Variants in SLC9B1 observed in about 807,000 individuals in gnomAD.
SLC9B1 encodes sodium/hydrogen exchanger 9B1.
In SLC9B1, 32 loss-of-function variants were observed where a neutral mutation model predicts 51.7. That is an observed-to-expected ratio of 0.62 (90% CI 0.47 to 0.83). The LOEUF (loss-of-function observed/expected upper bound fraction) is 0.83, where lower values mean the gene tolerates loss of function less well. Among genes scored for constraint, SLC9B1 ranks in the 40% least tolerant of loss-of-function variants. The pLI is 0.00. For missense variants in SLC9B1, 406 were observed against 613.2 expected, an observed-to-expected ratio of 0.66 and a Z score of 3.57; for synonymous variants, 145 against 212.7, an observed-to-expected ratio of 0.68 and a Z score of 2.77.
At chr4:102,955,127 C>T (rs1737718151) in intron 3 of SLC9B1, among the ~76,000 whole-genome samples, 1 of 152,136 alleles carries the variant, frequency 6.6e-6, no homozygotes, top group South Asian at 2.1e-4. Context: ...AATTGTACTC[C>T]CACAATTCCC....
At chr4:102,980,750 GA>G (rs199705987) in intron 3 of SLC9B1, among the ~76,000 whole-genome samples, 10 of 151,094 alleles carry the variant, frequency 6.6e-5, no homozygotes, top group Admixed American at 3.3e-4. Flanking sequence ...AAAAGTTGAT[GA>G]AAAAAAAATC....
At chr4:102,980,014 A>G (rs557209552) in intron 3 of SLC9B1, among the ~76,000 whole-genome samples, 60 of 152,382 alleles carry the variant, frequency 3.9e-4, no homozygotes, top group Non-Finnish European at 7.1e-4. Context: ...CTCACTGATC[A>G]TTAGAGAAAT....
At chr4:102,886,355 G>A (rs1311193790) in intron 11 of SLC9B1, among the ~76,000 whole-genome samples, 3 of 152,126 alleles carry the variant, frequency 2.0e-5, no homozygotes, top group Admixed American at 6.5e-5. Flanking sequence ...GCCAGGCGTG[G>A]TGGCATGCAC....
At chr4:102,924,034 T>C (rs1370507980) in intron 7 of SLC9B1, among the ~76,000 whole-genome samples, 1 of 152,200 alleles carries the variant, frequency 6.6e-6, no homozygotes, top group East Asian at 1.9e-4. Context: ...AATGACTTTC[T>C]TCACAGAATT....
intron 3 of SLC9B1, among the ~76,000 whole-genome samples, chr4:102,983,084 T>A (rs3886722): frequency 0.55 from 83,343 of 151,906 alleles, 23,451 homozygotes; most frequent in African/African-American, 0.69. Flanking sequence ...GATAGTTTTT[T>A]ATTTTTAATC....
chr4:102,918,185 A>G (rs13131310), intron 7 of SLC9B1, among the ~76,000 whole-genome samples: 10 of 152,122 alleles, frequency 6.6e-5, no homozygotes, highest in African/African-American at 2.4e-4. Context: ...AAAAAAATAA[A>G]GAAGACTCAA....
At chr4:102,940,377 A>G (rs1013470365) in intron 6 of SLC9B1, among the ~76,000 whole-genome samples, 1 of 152,210 alleles carries the variant, frequency 6.6e-6, no homozygotes, top group African/African-American at 2.4e-5. Flanking sequence ...AAAGGAAAAC[A>G]TTCCATGATC....
chr4:102,899,856 A>G (rs534677432), downstream of SLC9B1, among the ~76,000 whole-genome samples: 68 of 152,350 alleles, frequency 4.5e-4, no homozygotes, highest in African/African-American at 1.5e-3. Flanking sequence ...TTGTAAAACT[A>G]TAAGGAGAAA....
chr4:102,992,330 C>CAAATATAAGTAGGGTAACTTTTCTTA (rs1739983115), intron 1 of SLC9B1, among the ~76,000 whole-genome samples: 1 of 152,022 alleles, frequency 6.6e-6, no homozygotes, highest in Non-Finnish European at 1.5e-5. Flanking sequence ...TTGCTAGCTT[C>CAAATATAAGTAGGGTAACTTTTCTTA]AAATATAAGT....
Position 102,991,714 on chromosome 4 carries a change from T to C in SLC9B1, c.-1-2A>G. The C allele has an allele frequency of 3.2e-6, 5 of 1,564,934 alleles. No individual in the cohort carries two copies. The highest frequency in any genetic ancestry group is 4.3e-6 in the Non-Finnish European group (5 of 1,152,242). On this transcript the variant is annotated splice_acceptor_variant, in intron 1 of 11. Transcript: ENST00000296422. LOFTEE classifies it low-confidence loss of function (5UTR_SPLICE). ...TTTTTTGATTCTGTGGTATGCATGC[T>C]AAGATTTAAAAGAAAAATACTTTAA...
In SLC9B1 at chr4:102,901,197, T is replaced by G. The variant is rs764358661; in HGVS notation, c.1468A>C (p.Ile490Leu). The G allele has an allele frequency of 6.2e-7, 1 of 1,612,062 alleles. No homozygotes were observed. Residue 490 changes from isoleucine (I) to leucine (L), a missense_variant, in exon 12 of 12, where the codon ATT (isoleucine) becomes CTT (leucine). Physicochemically the swap from Ile to Leu is conservative, Grantham distance 5. Transcript: ENST00000296422. ...TAPNGALLMG[I>L]LGPKMLTRHY... ...CGTGTAAGCATTTTAGGCCCCAGAATGCCCATAAGTAGAGCTCCATTTGGA... is the reference window on the plus strand; with the variant it reads ...CGTGTAAGCATTTTAGGCCCCAGAAGGCCCATAAGTAGAGCTCCATTTGGA...
chr4:102,976,938 C>T (rs191034270), intron 3 of SLC9B1, among the ~76,000 whole-genome samples: 21 of 152,024 alleles, frequency 1.4e-4, no homozygotes, highest in African/African-American at 4.8e-4. Flanking sequence ...GGCTTGAGCC[C>T]AGAAGTTGAA....
At chr4:102,919,896 C>G (rs377261547) in intron 7 of SLC9B1, among the ~76,000 whole-genome samples, 1 of 152,204 alleles carries the variant, frequency 6.6e-6, no homozygotes, top group South Asian at 2.1e-4. Flanking sequence ...GTAAACAAAG[C>G]GGCTGGGAAG....
intron 9 of SLC9B1, among the ~76,000 whole-genome samples, chr4:102,910,067 C>G (rs929136553): frequency 6.6e-6 from 1 of 152,076 alleles, no homozygotes; most frequent in East Asian, 1.9e-4. Context: ...TGTCCGCCTC[C>G]ACCTCCCAAA....
At chr4:103,002,209 C>T (rs771847064) in intron 1 of SLC9B1, among the ~76,000 whole-genome samples, 78 of 152,312 alleles carry the variant, frequency 5.1e-4, no homozygotes, top group Middle Eastern at 3.4e-3. Flanking sequence ...CCATATCAGG[C>T]ATACCTTACC....
chr4:102,957,761 T>G (rs1049985747), intron 3 of SLC9B1, among the ~76,000 whole-genome samples: 11 of 151,738 alleles, frequency 7.2e-5, no homozygotes, highest in African/African-American at 2.7e-4. Context: ...TATAAAAGAT[T>G]GTATGTGTGT....
At chr4:103,016,387 T>G (rs533238628) in intron 1 of SLC9B1, among the ~76,000 whole-genome samples, 1 of 152,130 alleles carries the variant, frequency 6.6e-6, no homozygotes, top group African/African-American at 2.4e-5. Flanking sequence ...ATTACCTCCA[T>G]TTCTTGGCTC....
At chr4:102,913,372 A>G (rs1300444465) in intron 7 of SLC9B1, among the ~76,000 whole-genome samples, 5 of 152,166 alleles carry the variant, frequency 3.3e-5, no homozygotes, top group Non-Finnish European at 7.3e-5. Flanking sequence ...GAAACTGGCA[A>G]ACCTCTACTT....
chr4:103,019,216 G>A (rs768945942), intron 1 of SLC9B1, among the ~76,000 whole-genome samples: 26 of 152,214 alleles, frequency 1.7e-4, no homozygotes, highest in Non-Finnish European at 5.9e-5. Context: ...ATCTCCAGTC[G>A]CAGGAGCATG....
Sources: gnomAD v4.1 joint callset for allele counts (sites outside exome capture counted in the v4.1 genomes callset) on GRCh38, gnomAD v4.1.1 for gene constraint, MANE v1.5 for transcripts, NCBI Gene and HGNC (gene_info 2026-07-23, HGNC 2026-07-21) for gene names.